PCDH15: variants seen among roughly 807,000 people sequenced by gnomAD.
PCDH15 encodes protocadherin-15.
In PCDH15, 129 loss-of-function variants were observed where a neutral mutation model predicts 178.5. That is an observed-to-expected ratio of 0.72 (90% CI 0.63 to 0.84). The LOEUF is 0.84. Among genes scored for constraint, PCDH15 ranks in the 40% least tolerant of loss-of-function variants. The pLI is 0.00. For synonymous variants in PCDH15, 800 were observed against 732.0 expected, an observed-to-expected ratio of 1.09 and a Z score of -1.50; for missense variants, 2,230 against 2,099.9, an observed-to-expected ratio of 1.06 and a Z score of -1.21.
chr10:54,465,969 T>C (rs1354275630), intron 3 of PCDH15, among the ~76,000 whole-genome samples: 2 of 152,028 alleles, frequency 1.3e-5, no homozygotes, highest in Non-Finnish European at 2.9e-5. Flanking sequence ...CTCATGATTT[T>C]GATTTACACT....
chr10:54,416,514 C>T lies in PCDH15; in HGVS notation c.158-37572G>A, dbSNP rs562856029. Reference sequence around the variant, plus strand: ...TGTATATGTACCACATTTTCATTAGCCAGTCTATCACTGATAGACATTTGG... The same window carrying T: ...TGTATATGTACCACATTTTCATTAGTCAGTCTATCACTGATAGACATTTGG... On this transcript the variant is annotated intron_variant, in intron 3 of 37. Transcript: ENST00000644397. 3.9e-5 allele frequency among the ~76,000 whole-genome samples: 6 copies of T among 152,232 alleles called. No individual in the cohort carries two copies. In the South Asian group the frequency reaches 1.2e-3, roughly 32 times the overall value.
intron 2 of PCDH15, among the ~76,000 whole-genome samples, chr10:54,909,767 T>C (rs1954788198): frequency 1.3e-5 from 2 of 152,068 alleles, no homozygotes; most frequent in Non-Finnish European, 1.5e-5. Context: ...GAGCAGACAC[T>C]GGCTCTGTGG....
chr10:54,193,795 T>C (rs1347372614), intron 11 of PCDH15, among the ~76,000 whole-genome samples: 1 of 152,088 alleles, frequency 6.6e-6, no homozygotes, highest in Non-Finnish European at 1.5e-5. Context: ...GTGCTTAAAA[T>C]TGAGAACTTT....
chr10:54,858,991 T>A (rs1953790779), intron 3 of PCDH15, among the ~76,000 whole-genome samples: 1 of 152,116 alleles, frequency 6.6e-6, no homozygotes, highest in Non-Finnish European at 1.5e-5. Context: ...CACATAGCTT[T>A]ATGTATCCTG....
intron 5 of PCDH15, among the ~76,000 whole-genome samples, chr10:54,350,813 A>G (rs2134249467): frequency 6.6e-6 from 1 of 152,186 alleles, no homozygotes; most frequent in African/African-American, 2.4e-5. Flanking sequence ...ATAGATAGAT[A>G]GATAATAGGC....
intron 2 of PCDH15, among the ~76,000 whole-genome samples, chr10:55,383,280 C>G (rs1588973302): frequency 6.6e-6 from 1 of 152,060 alleles, no homozygotes; most frequent in African/African-American, 2.4e-5. Flanking sequence ...TGCTTCTTCT[C>G]TCCTGGACGT....
At chr10:55,623,771 TG>T (rs1837462043) in intron 2 of PCDH15, among the ~76,000 whole-genome samples, 1 of 150,938 alleles carries the variant, frequency 6.6e-6, no homozygotes, top group South Asian at 2.1e-4. Flanking sequence ...TGGCAATAAA[TG>T]GGCACTAACA....
At chr10:55,566,574 C>A (rs1026432839) in intron 2 of PCDH15, among the ~76,000 whole-genome samples, 1 of 151,624 alleles carries the variant, frequency 6.6e-6, no homozygotes, top group East Asian at 1.9e-4. Context: ...GCTGAAAATT[C>A]CACTAAAATA....
chr10:55,463,903 AAG>A (rs1839739533), intron 2 of PCDH15, among the ~76,000 whole-genome samples: 1 of 7,012 alleles, frequency 1.4e-4, no homozygotes, highest in African/African-American at 9.1e-4. Flanking sequence ...GAGAGAGAGA[AAG>A]AAAGAAAGAA....
chr10:54,360,586 T>C (rs1337585562), intron 5 of PCDH15, among the ~76,000 whole-genome samples: 1 of 152,108 alleles, frequency 6.6e-6, no homozygotes, highest in East Asian at 1.9e-4. Context: ...TTCATAAATT[T>C]GTGGGATTCT....
chr10:54,500,147 A>T (rs1389695110), intron 3 of PCDH15, among the ~76,000 whole-genome samples: 1 of 144,886 alleles, frequency 6.9e-6, no homozygotes, highest in Non-Finnish European at 1.5e-5. Flanking sequence ...TCTTTGCAAC[A>T]ACATTAAAGC....
At chr10:54,443,017 G>C (rs973363733) in intron 3 of PCDH15, among the ~76,000 whole-genome samples, 2 of 151,644 alleles carry the variant, frequency 1.3e-5, no homozygotes, top group African/African-American at 4.8e-5. Flanking sequence ...GTGAAATTAT[G>C]CTAAATAGTG....
intron 2 of PCDH15, among the ~76,000 whole-genome samples, chr10:55,409,666 G>GA (rs758952820): frequency 4.6e-5 from 7 of 151,910 alleles, no homozygotes; most frequent in Non-Finnish European, 7.4e-5. Flanking sequence ...ATATAGTGCT[G>GA]AAAAAATAGA....
chr10:55,212,604 G>C (rs879741257), intron 1 of PCDH15, among the ~76,000 whole-genome samples: 2 of 152,030 alleles, frequency 1.3e-5, no homozygotes, highest in African/African-American at 4.8e-5. Flanking sequence ...ACTAAACAGA[G>C]CGCATGAACT....
rs189857194 is a variant in PCDH15 at position 54,230,759 on chromosome 10, T to C, written c.985+6064A>G. On this transcript the variant is annotated intron_variant, in intron 9 of 37. Transcript: ENST00000644397. ...ATTCATAATATTATTATAATCATACTTTGAAAAATTAGAAAAAATACTGTT... is the reference window on the plus strand; with the variant it reads ...ATTCATAATATTATTATAATCATACCTTGAAAAATTAGAAAAAATACTGTT... Among the ~76,000 whole-genome samples, 315 of 152,262 alleles carry C rather than the reference T, an allele frequency of 2.1e-3. 1 individual carries two copies. Among genetic ancestry groups the C allele is most frequent in the African/African-American group, 6.5e-3 (272 of 41,562 alleles).
At chr10:54,805,836 A>T, upstream of PCDH15, among the ~76,000 whole-genome samples, 1 of 152,174 alleles carries the variant, frequency 6.6e-6, no homozygotes, top group South Asian at 2.1e-4. Flanking sequence ...ATTTAGTAAA[A>T]TATGTAAAGA....
intron 3 of PCDH15, among the ~76,000 whole-genome samples, chr10:54,827,201 A>T (rs897779844): frequency 1.3e-5 from 2 of 152,134 alleles, no homozygotes; most frequent in Non-Finnish European, 2.9e-5. Flanking sequence ...AATGACATTG[A>T]TATGTCTCAA....
At chr10:53,898,914 T>G (rs552819648) in intron 26 of PCDH15, among the ~76,000 whole-genome samples, 155 of 152,260 alleles carry the variant, frequency 1.0e-3, no homozygotes, top group African/African-American at 3.7e-3. Flanking sequence ...AATAGCCAAC[T>G]AATGGTGTCT....
At chr10:54,660,869 A>T (rs2094478780) in intron 2 of PCDH15, among the ~76,000 whole-genome samples, 1 of 152,098 alleles carries the variant, frequency 6.6e-6, no homozygotes, top group Non-Finnish European at 1.5e-5. Context: ...CCATATGATC[A>T]TCTCAATACC....
Sources: gnomAD v4.1 joint callset for allele counts (sites outside exome capture counted in the v4.1 genomes callset) on GRCh38, gnomAD v4.1.1 for gene constraint, MANE v1.5 for transcripts, NCBI Gene and HGNC (gene_info 2026-07-23, HGNC 2026-07-21) for gene names.